TEAD4: variants seen among roughly 807,000 people sequenced by gnomAD.
TEAD4 encodes transcriptional enhancer factor TEF-3.
Under a neutral mutation model 52.4 loss-of-function variants are expected in TEAD4, and 36 were observed. That is an observed-to-expected ratio of 0.69 (90% CI 0.53 to 0.91). The LOEUF (loss-of-function observed/expected upper bound fraction) is 0.91, where lower values mean the gene tolerates loss of function less well. TEAD4 is among the 40% of genes least tolerant of loss of function. The probability of loss-of-function intolerance (pLI) is 0.00; values close to 1 mark genes in which losing one functional copy is unlikely to be tolerated. For synonymous variants in TEAD4, 220 were observed against 231.0 expected, an observed-to-expected ratio of 0.95 and a Z score of 0.43; for missense variants, 508 against 583.9, an observed-to-expected ratio of 0.87 and a Z score of 1.34.
chr12:2,981,292 C>A (rs1565527795), intron 2 of TEAD4, among the ~76,000 whole-genome samples: 1 of 152,254 alleles, frequency 6.6e-6, no homozygotes, highest in Non-Finnish European at 1.5e-5. Context: ...GCACTACCTG[C>A]AGGATAGGTT....
At position 2,994,513 on chromosome 12, in the gene TEAD4, A is replaced by G. The variant is rs1039389643; in HGVS notation, c.-29-225A>G. Among the ~76,000 whole-genome samples, 2 of 152,200 alleles carry G rather than the reference A, an allele frequency of 1.3e-5. No individual in the cohort carries two copies. The highest frequency in any genetic ancestry group is 2.4e-5 in the African/African-American group (1 of 41,458). ...GCCCTTGTCTGGGTTCCTTGATACC[A>G]GGGAGTGCCTAGGTCATTGTGCTCA... On this transcript the variant is annotated intron_variant, in intron 2 of 12. Coordinates refer to ENST00000359864, the MANE Select transcript of TEAD4 (RefSeq NM_003213.4). The surrounding 1 kb of genome is among the most constrained non-coding windows in gnomAD (Gnocchi z 4.7).
At chr12:2,984,570 G>A (rs186533085) in intron 2 of TEAD4, among the ~76,000 whole-genome samples, 7 of 152,286 alleles carry the variant, frequency 4.6e-5, no homozygotes, top group East Asian at 1.9e-4. Flanking sequence ...GTCTCTTGGC[G>A]ATTTCATCCT....
At chr12:2,972,734 C>T (rs2153952915) in intron 2 of TEAD4, among the ~76,000 whole-genome samples, 1 of 152,164 alleles carries the variant, frequency 6.6e-6, no homozygotes, top group East Asian at 1.9e-4. Context: ...CTCCTGACCT[C>T]AGGTGATCCG....
intron 2 of TEAD4, among the ~76,000 whole-genome samples, chr12:2,989,420 C>G (rs1248522056): frequency 6.6e-6 from 1 of 152,028 alleles, no homozygotes; most frequent in Non-Finnish European, 1.5e-5. Flanking sequence ...GTTACTGTTA[C>G]GAAGTTTGCT....
At chr12:2,992,167 C>T (rs2098243683) in intron 2 of TEAD4, among the ~76,000 whole-genome samples, 3 of 151,864 alleles carry the variant, frequency 2.0e-5, no homozygotes, top group Admixed American at 6.6e-5. Flanking sequence ...TACAGGCACC[C>T]GCCACCATGC....
intron 9 of TEAD4, among the ~76,000 whole-genome samples, 180 bp downstream of exon 9, chr12:3,020,953 T>C (rs1207375903): frequency 6.6e-6 from 1 of 151,958 alleles, no homozygotes; most frequent in Non-Finnish European, 1.5e-5. Flanking sequence ...CCCTCTTCCC[T>C]CTTTCCCTCC....
At position 3,021,996 on chromosome 12, in the gene TEAD4, C is replaced by CT; in HGVS notation, c.882dup (p.Leu295SerfsTer15). 6.2e-7 allele frequency: 1 copy of CT among 1,614,182 alleles called. No homozygotes were observed. The highest frequency in any genetic ancestry group is 8.5e-7 in the Non-Finnish European group (1 of 1,180,004). On this transcript the variant is annotated frameshift_variant, in exon 10 of 13. Coordinates refer to ENST00000359864, the MANE Select transcript of TEAD4 (RefSeq NM_003213.4). LOFTEE classifies it high-confidence loss of function. ...TCTTCGAACGGGGACCCTCCAATGC[C>CT]TTTTTTCTTGTGAAGTTCTGGGTAA...
At chr12:3,038,152 G>C in intron 11 of TEAD4, 44 bp downstream of exon 11, 1 of 1,584,036 alleles carries the variant, frequency 6.3e-7, no homozygotes, top group South Asian at 1.1e-5. Context: ...GCAGTGGTCT[G>C]TGTTTGCTGG....
At position 3,006,725 on chromosome 12, in the gene TEAD4, GA is replaced by G. The variant is rs909163577; in HGVS notation, c.227-4271del. Among the ~76,000 whole-genome samples, 9 of 151,344 alleles carry G rather than the reference GA, an allele frequency of 5.9e-5. No homozygotes were observed. In the South Asian group the frequency reaches 1.5e-3, roughly 25 times the overall value. ...AAAATAATCAAAAATAAAGAAGAAAGAAAAAAAATACAAAGATGGGCCGGGT... is the reference window on the plus strand; with the variant it reads ...AAAATAATCAAAAATAAAGAAGAAAGAAAAAAATACAAAGATGGGCCGGGT... On this transcript the variant is annotated intron_variant, in intron 3 of 12. Transcript: ENST00000359864.
intron 2 of TEAD4, among the ~76,000 whole-genome samples, chr12:2,968,246 C>G (rs1246602033): frequency 6.6e-6 from 1 of 151,876 alleles, no homozygotes; most frequent in Non-Finnish European, 1.5e-5. Context: ...GCCACCATGC[C>G]TGGCTAATTT....
At position 3,004,236 on chromosome 12, in the gene TEAD4, C is replaced by T. The variant is rs112648973; in HGVS notation, c.227-6768C>T. On this transcript the variant is annotated intron_variant, in intron 3 of 12. Transcript: ENST00000359864. Reference sequence around the variant, plus strand: ...AGGGAAGGAGCAGCATCGTCCCTTGCGGAGGAAGCTCAGCCCTGTCGGGGG... The same window carrying T: ...AGGGAAGGAGCAGCATCGTCCCTTGTGGAGGAAGCTCAGCCCTGTCGGGGG... Among the ~76,000 whole-genome samples, 334 of 152,306 alleles carry T rather than the reference C, an allele frequency of 2.2e-3. 3 individuals are homozygous for T. Among genetic ancestry groups the T allele is most frequent in the African/African-American group, 7.2e-3 (300 of 41,554 alleles).
chr12:3,013,982 G>A (rs116436038), intron 5 of TEAD4, among the ~76,000 whole-genome samples: 4,354 of 152,326 alleles, frequency 0.029, 193 homozygotes, highest in African/African-American at 0.098. Context: ...ATCTCAGAAC[G>A]AGTGGGTGGG....
chr12:3,023,904 A>G (rs1022269076), intron 10 of TEAD4, among the ~76,000 whole-genome samples: 8 of 152,012 alleles, frequency 5.3e-5, no homozygotes, highest in Non-Finnish European at 7.4e-5. Flanking sequence ...TTTGGGCTTT[A>G]TCTCTTTAGT....
chr12:3,040,172 G>A lies in TEAD4; in HGVS notation c.1104G>A (p.Glu368=), dbSNP rs1269088756. 6.8e-6 allele frequency: 11 copies of A among 1,614,224 alleles called. No individual in the cohort carries two copies. The highest frequency in any genetic ancestry group is 8.5e-6 in the Non-Finnish European group (10 of 1,180,052). Residue 368 remains glutamate (E), a synonymous_variant, in exon 12 of 13, where the codon GAG becomes GAA. Coordinates refer to ENST00000359864, the MANE Select transcript of TEAD4 (RefSeq NM_003213.4). ...GCATCCACCGGTCCCCGCTCTGTGA[G>A]TACATGATCAACTTCATCCACAAGC...
chr12:2,989,119 G>A (rs1487431981), intron 2 of TEAD4, among the ~76,000 whole-genome samples: 2 of 152,086 alleles, frequency 1.3e-5, no homozygotes, highest in African/African-American at 4.8e-5. Flanking sequence ...GGCATGGGAA[G>A]TCGGGAGGCA....
intron 5 of TEAD4, chr12:3,016,976 C>T (rs575136307): frequency 9.6e-6 from 4 of 416,192 alleles, no homozygotes; most frequent in South Asian, 6.9e-5. Flanking sequence ...TGGTCTCTTG[C>T]CTCCAGACAG....
At chr12:2,999,888 T>A (rs990134297) in intron 3 of TEAD4, among the ~76,000 whole-genome samples, 1 of 152,204 alleles carries the variant, frequency 6.6e-6, no homozygotes, top group East Asian at 1.9e-4. Context: ...GGCTCTGGGG[T>A]TCCCTCTGCA....
chr12:2,981,920 C>T (rs913275265), intron 2 of TEAD4, among the ~76,000 whole-genome samples: 2 of 152,108 alleles, frequency 1.3e-5, no homozygotes, highest in African/African-American at 4.8e-5. Context: ...GCCCAGTGAC[C>T]CCCAAAATCA....
intron 11 of TEAD4, among the ~76,000 whole-genome samples, chr12:3,039,828 C>T (rs1449428177): frequency 6.6e-6 from 1 of 152,164 alleles, no homozygotes; most frequent in East Asian, 1.9e-4. Context: ...GCTGGGATTA[C>T]AGGCACGCGC....
Sources: allele counts gnomAD v4.1 joint callset (sites outside exome capture counted in the v4.1 genomes callset), GRCh38; gene constraint gnomAD v4.1.1; non-coding constraint Gnocchi (gnomAD v3.1); transcripts MANE v1.5; gene names NCBI Gene and HGNC (gene_info 2026-07-23, HGNC 2026-07-21).